EXOC4: variants seen among roughly 807,000 people sequenced by gnomAD.
EXOC4 encodes the protein SEC8-like 1.
Under a neutral mutation model 107.2 loss-of-function variants are expected in EXOC4, and 71 were observed. The ratio of observed to expected loss-of-function variants is 0.66; its 90% confidence interval spans 0.55 to 0.81. EXOC4 has a LOEUF of 0.81. EXOC4 is among the 30% of genes least tolerant of loss of function. The probability of loss-of-function intolerance (pLI) is 0.00; values close to 1 mark genes in which losing one functional copy is unlikely to be tolerated. For missense variants in EXOC4, 1,108 were observed against 1,189.6 expected, an observed-to-expected ratio of 0.93 and a Z score of 1.01; for synonymous variants, 456 against 441.2, an observed-to-expected ratio of 1.03 and a Z score of -0.42.
chr7:133,438,648 A>G (rs1047035809), intron 7 of EXOC4, among the ~76,000 whole-genome samples: 6 of 152,206 alleles, frequency 3.9e-5, no homozygotes, highest in Non-Finnish European at 8.8e-5. Flanking sequence ...CCAAGTTTTA[A>G]TGAGGTGGTC....
intron 2 of EXOC4, among the ~76,000 whole-genome samples, chr7:133,275,531 T>G (rs895298671): frequency 6.6e-6 from 1 of 152,198 alleles, no homozygotes; most frequent in Non-Finnish European, 1.5e-5. Context: ...TATTCTTGTA[T>G]TTCACACATC....
intron 14 of EXOC4, among the ~76,000 whole-genome samples, chr7:133,948,199 A>G (rs555050838): frequency 7.2e-4 from 110 of 152,330 alleles, no homozygotes; most frequent in African/African-American, 1.6e-3. Context: ...GTGCTATTCA[A>G]TCTGGCCTCT....
chr7:133,860,404 G>A (rs1041264395), intron 11 of EXOC4, among the ~76,000 whole-genome samples: 3 of 152,172 alleles, frequency 2.0e-5, no homozygotes, highest in East Asian at 3.8e-4. Context: ...GAGCAAGAAA[G>A]TACAAGTGCA....
intron 7 of EXOC4, among the ~76,000 whole-genome samples, chr7:133,466,696 G>A (rs1798736602): frequency 6.6e-6 from 1 of 152,132 alleles, no homozygotes; most frequent in Non-Finnish European, 1.5e-5. Flanking sequence ...GTATTACCCT[G>A]ATAACAAAGC....
At chr7:133,637,541 T>C (rs1314910155) in intron 10 of EXOC4, among the ~76,000 whole-genome samples, 1 of 152,156 alleles carries the variant, frequency 6.6e-6, no homozygotes, top group Non-Finnish European at 1.5e-5. Flanking sequence ...CAAATAATGT[T>C]GTAGATCACA....
At chr7:133,306,275 C>T (rs551716849) in intron 4 of EXOC4, among the ~76,000 whole-genome samples, 3 of 152,116 alleles carry the variant, frequency 2.0e-5, no homozygotes, top group Non-Finnish European at 4.4e-5. Context: ...TTATTATGGT[C>T]CTTTTCTGTA....
intron 9 of EXOC4, among the ~76,000 whole-genome samples, chr7:133,555,948 T>A (rs1800682165): frequency 6.6e-6 from 1 of 152,208 alleles, no homozygotes; most frequent in Non-Finnish European, 1.5e-5. Flanking sequence ...TTGTTGCCTT[T>A]AGTTAAGTTG....
At chr7:133,697,167 T>C (rs947802593) in intron 10 of EXOC4, among the ~76,000 whole-genome samples, 12 of 152,218 alleles carry the variant, frequency 7.9e-5, no homozygotes, top group African/African-American at 2.7e-4. Flanking sequence ...ACTAGTGTTC[T>C]GTCATGCTTC....
intron 9 of EXOC4, among the ~76,000 whole-genome samples, chr7:133,538,354 C>G (rs1800313699): frequency 6.6e-6 from 1 of 152,138 alleles, no homozygotes; most frequent in African/African-American, 2.4e-5. Flanking sequence ...AAATGGTTTC[C>G]TTTCCATCCG....
At chr7:133,580,123 G>A (rs1563115006) in intron 9 of EXOC4, among the ~76,000 whole-genome samples, 1 of 152,196 alleles carries the variant, frequency 6.6e-6, no homozygotes, top group Non-Finnish European at 1.5e-5. Flanking sequence ...GTGACACTAT[G>A]TGTCAGAATT....
intron 5 of EXOC4, among the ~76,000 whole-genome samples, chr7:133,338,455 C>A (rs376267730): frequency 2.0e-5 from 3 of 148,674 alleles, no homozygotes; most frequent in Non-Finnish European, 4.5e-5. Context: ...TAGCCGGGCG[C>A]GGTGGCGGGC....
chr7:133,823,877 T>A (rs1201742456), intron 11 of EXOC4, among the ~76,000 whole-genome samples: 2 of 20,822 alleles, frequency 9.6e-5, no homozygotes, highest in African/African-American at 1.1e-3. Flanking sequence ...ATATATTATA[T>A]ATATATATAT....
At chr7:134,038,889 G>C (rs1795452541) in intron 17 of EXOC4, among the ~76,000 whole-genome samples, 1 of 152,184 alleles carries the variant, frequency 6.6e-6, no homozygotes, top group African/African-American at 2.4e-5. Flanking sequence ...AAGATGAATG[G>C]AAGTTTGCTT....
intron 14 of EXOC4, among the ~76,000 whole-genome samples, chr7:133,983,438 T>C (rs1024652126): frequency 6.6e-6 from 1 of 152,216 alleles, no homozygotes; most frequent in Non-Finnish European, 1.5e-5. Flanking sequence ...GAACTCCATA[T>C]GGGACTTCCA....
At chr7:133,373,156 C>G (rs1796413821) in intron 6 of EXOC4, among the ~76,000 whole-genome samples, 1 of 152,102 alleles carries the variant, frequency 6.6e-6, no homozygotes, top group East Asian at 1.9e-4. Flanking sequence ...CAGTTTTATA[C>G]CGATTATTTC....
At chr7:133,746,970 A>G (rs906215157) in intron 10 of EXOC4, among the ~76,000 whole-genome samples, 2 of 152,148 alleles carry the variant, frequency 1.3e-5, no homozygotes, top group African/African-American at 4.8e-5. Flanking sequence ...TAACTTGAGG[A>G]AAGTCAGAGG....
At chr7:133,941,328 A>G (rs1358230505) in intron 14 of EXOC4, among the ~76,000 whole-genome samples, 5 of 152,184 alleles carry the variant, frequency 3.3e-5, no homozygotes, top group African/African-American at 1.2e-4. Flanking sequence ...ATATCTCTTC[A>G]GATAGGACAG....
At chr7:133,480,028 T>C (rs767108149) in intron 8 of EXOC4, 22 bp from the exon 9 acceptor site, 3 of 1,606,342 alleles carry the variant, frequency 1.9e-6, no homozygotes, top group Admixed American at 3.3e-5. Flanking sequence ...TGCTTGTCTG[T>C]TTCCCCTGTG....
intron 7 of EXOC4, among the ~76,000 whole-genome samples, chr7:133,432,175 A>AGG (rs1563063538): frequency 6.6e-6 from 1 of 152,158 alleles, no homozygotes; most frequent in Non-Finnish European, 1.5e-5. Flanking sequence ...CTTTTGGTTC[A>AGG]GGTAAAAAAG....
Sources: allele counts gnomAD v4.1 joint callset (sites outside exome capture counted in the v4.1 genomes callset), GRCh38; gene constraint gnomAD v4.1.1; transcripts MANE v1.5; gene names NCBI Gene and HGNC (gene_info 2026-07-23, HGNC 2026-07-21).